Variants in ITPK1 observed in about 807,000 individuals in gnomAD.
ITPK1 encodes the protein inositol 1,3,4-trisphosphate 5/6-kinase.
A neutral mutation model predicts 45.3 loss-of-function variants in ITPK1; 21 were observed. The ratio of observed to expected loss-of-function variants is 0.46; its 90% CI spans 0.33 to 0.67. The LOEUF (loss-of-function observed/expected upper bound fraction) is 0.67. Ranked by LOEUF, ITPK1 falls within the 30% of genes least tolerant of loss-of-function variation. The pLI is 0.02. For missense variants in ITPK1, 474 were observed against 573.5 expected, an observed-to-expected ratio of 0.83 and a Z score of 1.77; for synonymous variants, 258 against 253.6, an observed-to-expected ratio of 1.02 and a Z score of -0.16.
chr14:93,022,972 A>C (rs899631644), intron 3 of ITPK1, among the ~76,000 whole-genome samples: 1 of 152,264 alleles, frequency 6.6e-6, no homozygotes, highest in African/African-American at 2.4e-5. Context: ...GAAAAGGCTG[A>C]TAAGAAAACC....
At chr14:93,029,229 G>A (rs1888906188) in intron 3 of ITPK1, among the ~76,000 whole-genome samples, 1 of 152,170 alleles carries the variant, frequency 6.6e-6, no homozygotes, top group South Asian at 2.1e-4. Flanking sequence ...CTGAGAGTAA[G>A]CGGCAGGCCC....
chr14:93,038,834 T>C (rs1889432969), intron 3 of ITPK1, among the ~76,000 whole-genome samples: 1 of 152,210 alleles, frequency 6.6e-6, no homozygotes, highest in South Asian at 2.1e-4. Context: ...GCCAGATATG[T>C]GTTTAAAACC....
At chr14:92,945,885 C>T (rs910525259) in intron 10 of ITPK1, among the ~76,000 whole-genome samples, 3 of 152,196 alleles carry the variant, frequency 2.0e-5, no homozygotes, top group African/African-American at 7.2e-5. Context: ...GTGGAGGCAA[C>T]GTGAGCCTGG....
At chr14:93,018,636 C>T (rs577036594) in intron 3 of ITPK1, among the ~76,000 whole-genome samples, 3 of 152,190 alleles carry the variant, frequency 2.0e-5, no homozygotes, top group Non-Finnish European at 2.9e-5. Flanking sequence ...AAAATAAAAC[C>T]AAAACCAGGC....
chr14:93,005,961 G>C (rs574382398), intron 4 of ITPK1, among the ~76,000 whole-genome samples: 2 of 152,292 alleles, frequency 1.3e-5, no homozygotes, highest in Admixed American at 1.3e-4. Flanking sequence ...TTGTACAGGG[G>C]CTGTGCAGCG....
At chr14:92,944,231 C>T (rs1887572236) in intron 10 of ITPK1, among the ~76,000 whole-genome samples, 1 of 152,132 alleles carries the variant, frequency 6.6e-6, no homozygotes, top group Non-Finnish European at 1.5e-5. Flanking sequence ...TGCAGGAGAA[C>T]AGGCCTGCTG....
At chr14:93,102,310 G>A (rs141156084) in intron 2 of ITPK1, among the ~76,000 whole-genome samples, 1 of 152,374 alleles carries the variant, frequency 6.6e-6, no homozygotes, top group Admixed American at 6.5e-5. Context: ...TGATAAAAAG[G>A]GTGCTTGGGA....
chr14:92,941,568 G>C lies in ITPK1; in HGVS notation c.1238C>G (p.Ser413Cys). Residue 413 changes from serine (S) to cysteine (C), a missense_variant, in exon 11 of 11, where the codon TCC (serine) becomes TGC (cysteine). Coordinates refer to ENST00000267615, the MANE Select transcript of ITPK1 (RefSeq NM_014216.6). ...TGGGTCCCGGCTCCGTGGCTACTGGGAGGAGGCCTTGGTGGCCAGGGAGGC... is the reference window on the plus strand; with the variant it reads ...TGGGTCCCGGCTCCGTGGCTACTGGCAGGAGGCCTTGGTGGCCAGGGAGGC... The part of the protein sequence containing the change: ...CVASLATKAS[S>C]Q 1 of 1,535,036 alleles carries C rather than the reference G, an allele frequency of 6.5e-7. No homozygotes were observed.
At chr14:93,003,611 G>A (rs138516583) in intron 4 of ITPK1, among the ~76,000 whole-genome samples, 32 of 152,312 alleles carry the variant, frequency 2.1e-4, no homozygotes, top group Admixed American at 7.2e-4. Context: ...CTGTACGCTG[G>A]GACAGGACCA....
At chr14:92,995,973 C>A (rs1253740659) in intron 4 of ITPK1, among the ~76,000 whole-genome samples, 2 of 152,358 alleles carry the variant, frequency 1.3e-5, no homozygotes, top group East Asian at 3.9e-4. Context: ...CTCTTGGCAC[C>A]ATTCCGTCAT....
At chr14:92,948,861 C>T (rs1368763874) in intron 9 of ITPK1, among the ~76,000 whole-genome samples, 2 of 151,584 alleles carry the variant, frequency 1.3e-5, no homozygotes, top group African/African-American at 2.4e-5. Context: ...GCGCCGCCCA[C>T]GCTCCGAGGG....
chr14:93,000,071 G>A (rs1450211579), intron 4 of ITPK1, among the ~76,000 whole-genome samples: 1 of 152,188 alleles, frequency 6.6e-6, no homozygotes, highest in Non-Finnish European at 1.5e-5. Context: ...TGCAGCGTGC[G>A]GCAGTGCTTT....
At chr14:92,949,437 G>A (rs553540556) in intron 9 of ITPK1, among the ~76,000 whole-genome samples, 26 of 152,362 alleles carry the variant, frequency 1.7e-4, no homozygotes, top group Admixed American at 4.6e-4. Flanking sequence ...ACTCTTGCCA[G>A]TGGGGGCCAG....
At chr14:93,067,268 C>T (rs1481851586) in intron 3 of ITPK1, among the ~76,000 whole-genome samples, 2 of 152,170 alleles carry the variant, frequency 1.3e-5, no homozygotes, top group Non-Finnish European at 2.9e-5. Context: ...TGGCAGGTAC[C>T]AGGGAGATCC....
intron 5 of ITPK1, among the ~76,000 whole-genome samples, chr14:92,990,781 C>T (rs1175864269): frequency 1.3e-5 from 2 of 152,194 alleles, no homozygotes. Flanking sequence ...CCCACCTGAG[C>T]ACAGACCCTT....
intron 3 of ITPK1, among the ~76,000 whole-genome samples, chr14:93,051,893 T>G: frequency 6.6e-6 from 1 of 152,238 alleles, no homozygotes. Context: ...ACCTCTGCAG[T>G]TTTTGGCTAA....
At chr14:92,980,005 T>G (rs1180282456) in intron 5 of ITPK1, among the ~76,000 whole-genome samples, 1 of 152,058 alleles carries the variant, frequency 6.6e-6, no homozygotes, top group East Asian at 1.9e-4. Flanking sequence ...GGTCTGGAAC[T>G]CCTGACGTCA....
chr14:93,062,424 C>A (rs1197393106), intron 3 of ITPK1, among the ~76,000 whole-genome samples: 1 of 151,984 alleles, frequency 6.6e-6, no homozygotes, highest in Admixed American at 6.6e-5. Flanking sequence ...AGCAAAACCC[C>A]ATCTCTAAAA....
At chr14:93,092,384 TCTGA>T (rs1476310958) in intron 2 of ITPK1, among the ~76,000 whole-genome samples, 3 of 152,182 alleles carry the variant, frequency 2.0e-5, no homozygotes, top group Non-Finnish European at 4.4e-5. Flanking sequence ...AGCCAGGCGC[TCTGA>T]CTCCCAGGTC....
Sources: allele counts gnomAD v4.1 joint callset (sites outside exome capture counted in the v4.1 genomes callset), GRCh38; gene constraint gnomAD v4.1.1; transcripts MANE v1.5; gene names NCBI Gene and HGNC (gene_info 2026-07-23, HGNC 2026-07-21).